The following LRRN4 variants were observed in gnomAD, a reference collection of about 807,000 sequenced individuals.
LRRN4 encodes leucine-rich repeat neuronal protein 4.
Under a neutral mutation model 22.3 loss-of-function variants are expected in LRRN4, and 26 were observed. The observed-to-expected ratio is 1.16, with a 90% confidence interval of 0.85 to 1.62. LRRN4 has a LOEUF of 1.62. Ranked by LOEUF, LRRN4 falls within the 40% of genes most tolerant of loss-of-function variation. The probability of loss-of-function intolerance (pLI) is 0.00; values close to 1 mark genes in which losing one functional copy is unlikely to be tolerated. For synonymous variants in LRRN4, 496 were observed against 486.2 expected (o/e 1.02, Z -0.26); for missense variants, 1,070 against 1,008.5 (o/e 1.06, Z -0.83).
chr20:6,042,100 G>A lies in LRRN4; in HGVS notation c.1145C>T (p.Thr382Ile), dbSNP rs749353171. 13 of 1,614,146 alleles carry A rather than the reference G, an allele frequency of 8.1e-6. 1 individual carries two copies. The South Asian group carries it at 1.4e-4, about 18-fold the overall frequency. The change falls in exon 5 of 5, where the codon ACC becomes ATC. Residue 382 changes from threonine (T) to isoleucine (I), a missense_variant. Coordinates refer to ENST00000378858, the MANE Select transcript of LRRN4 (RefSeq NM_152611.5). ...ASHPPCFNRS[T>I]YAQGTTVAPS... ...CGCGACGGTGGTACCCTGTGCGTAG[G>A]TGGAGCGGTTGAAGCAAGGTGGGTG...
intron 3 of LRRN4, among the ~76,000 whole-genome samples, chr20:6,045,148 A>G (rs1981073446): frequency 6.7e-6 from 1 of 148,770 alleles, no homozygotes; most frequent in South Asian, 2.1e-4. Flanking sequence ...ATCAAAAAGA[A>G]TGTGTGTTGG....
At chr20:6,042,737 G>A (rs1224856533) in intron 4 of LRRN4, among the ~76,000 whole-genome samples, 2 of 151,746 alleles carry the variant, frequency 1.3e-5, no homozygotes, top group East Asian at 1.9e-4. Context: ...TGGCTAAGAC[G>A]GTGAAACCCC....
Position 6,053,825 on chromosome 20 carries a change from C to T in LRRN4, c.-6+5G>A, listed in dbSNP as rs905090847. On this transcript the variant is annotated splice_donor_5th_base_variant and intron_variant, in intron 1 of 4. Coordinates refer to ENST00000378858, the MANE Select transcript of LRRN4 (RefSeq NM_152611.5). ...CGTGTGCACCCAGCAGTGTGTCATG[C>T]TTACCTGGAAGTGGTCCTTTTGGAG... is the stretch of plus-strand genomic sequence containing the variant. 6.6e-6 allele frequency: 1 copy of T among 152,302 alleles called. No individual in the cohort carries two copies. Among genetic ancestry groups the T allele is most frequent in the Non-Finnish European group, 1.5e-5 (1 of 68,128 alleles). 9.4% of individuals were successfully genotyped at this position (152,302 alleles called of 1,614,324 possible).
chr20:6,049,560 G>A (rs1437410463), intron 3 of LRRN4, among the ~76,000 whole-genome samples: 2 of 151,962 alleles, frequency 1.3e-5, no homozygotes, highest in East Asian at 3.9e-4. Flanking sequence ...GAGTACAATG[G>A]CGCAATCTCA....
chr20:6,041,133 A>T lies in LRRN4; in HGVS notation c.2112T>A (p.Cys704Ter). Residue 704 changes from cysteine (C) to a stop codon, truncating the protein, a stop_gained, in exon 5 of 5, where the codon TGT becomes TGA. Coordinates refer to ENST00000378858, the MANE Select transcript of LRRN4 (RefSeq NM_152611.5). LOFTEE classifies it low-confidence loss of function (END_TRUNC). The surrounding 1 kb of genome is among the most constrained non-coding windows in gnomAD (Gnocchi z 9.4). ...LLASTVVLSA[C>*]LCRRGQTLGL... ...CCAGCGTCTGGCCCCGCCTGCAGAG[A>T]CATGCGGACAGCACCACGGTGCTGG... is the stretch of plus-strand genomic sequence containing the variant. 1 of 1,610,584 alleles carries T rather than the reference A, an allele frequency of 6.2e-7. No homozygotes were observed. Among genetic ancestry groups the T allele is most frequent in the Non-Finnish European group, 8.5e-7 (1 of 1,178,534 alleles).
At position 6,041,496 on chromosome 20, in the gene LRRN4, G is replaced by A. The variant is rs1170252733; in HGVS notation, c.1749C>T (p.Pro583=). Residue 583 remains proline (P), a synonymous_variant, in exon 5 of 5, where the codon CCC becomes CCT. Transcript: ENST00000378858. The surrounding 1 kb of genome is among the most constrained non-coding windows in gnomAD (Gnocchi z 9.4). ...LSGEDTIPDP[P]RLQGVTETTD... ...TGGTCTCCGTCACCCCCTGCAGCCT[G>A]GGCGGGTCTGGGATGGTGTCTTCCC... The A allele has an allele frequency of 1.0e-5, 16 of 1,558,328 alleles. No individual in the cohort carries two copies. The highest frequency in any genetic ancestry group is 1.4e-5 in the Non-Finnish European group (16 of 1,151,658).
At position 6,041,228 on chromosome 20, in the gene LRRN4, C is replaced by T. The variant is rs1980925771; in HGVS notation, c.2017G>A (p.Ala673Thr). ...GCGAAGCTGGGCTTGGTGGTGAAGG[C>T]GGCGCACGGGCTCCTCCAGCCCGAA... is the stretch of plus-strand genomic sequence containing the variant. Reference protein sequence around the residue: ...RSSGWRSPCAAFTTKPSFALL... With the variant: ...RSSGWRSPCATFTTKPSFALL... Residue 673 changes from alanine (A) to threonine (T), a missense_variant, in exon 5 of 5, where the codon GCC becomes ACC. Physicochemically the swap from Ala to Thr is moderately conservative, Grantham distance 58. Coordinates refer to ENST00000378858, the MANE Select transcript of LRRN4 (RefSeq NM_152611.5). The surrounding 1 kb of genome is among the most constrained non-coding windows in gnomAD (Gnocchi z 9.4). 1 of 1,580,784 alleles carries T rather than the reference C, an allele frequency of 6.3e-7. No individual in the cohort carries two copies. Among genetic ancestry groups the T allele is most frequent in the Non-Finnish European group, 8.6e-7 (1 of 1,162,640 alleles).
At position 6,041,274 on chromosome 20, in the gene LRRN4, C is replaced by T. The variant is rs895064543; in HGVS notation, c.1971G>A (p.Ala657=). 5.0e-6 allele frequency: 8 copies of T among 1,590,494 alleles called. No individual in the cohort carries two copies. The highest frequency in any genetic ancestry group is 4.5e-5 in the South Asian group (4 of 89,194). The change falls in exon 5 of 5, where the codon GCG becomes GCA. Residue 657 remains alanine, a synonymous_variant. Coordinates refer to ENST00000378858, the MANE Select transcript of LRRN4 (RefSeq NM_152611.5). The surrounding 1 kb of genome is among the most constrained non-coding windows in gnomAD (Gnocchi z 9.4). The stretch of plus-strand genomic sequence containing the variant: ...CCGAAGACCGTGGCTGGCTCAAGCC[C>T]GCCCTGTTGGCCGCCAGCACGCACA... ...YRVCVLAANR[A]GLSQPRSSGW...
At chr20:6,049,895 C>CA (rs1981205133) in intron 3 of LRRN4, among the ~76,000 whole-genome samples, 1 of 152,168 alleles carries the variant, frequency 6.6e-6, no homozygotes, top group Non-Finnish European at 1.5e-5. Flanking sequence ...TCACTGACAT[C>CA]AATCAGCATC....
At chr20:6,051,486 TTC>T (rs1217031810) in intron 2 of LRRN4, among the ~76,000 whole-genome samples, 6 of 152,208 alleles carry the variant, frequency 3.9e-5, no homozygotes, top group African/African-American at 7.2e-5. Flanking sequence ...TAGCTGTTTT[TTC>T]TCTTTGTCTT....
chr20:6,048,393 A>C (rs1981161100), intron 3 of LRRN4, among the ~76,000 whole-genome samples: 1 of 151,602 alleles, frequency 6.6e-6, no homozygotes, highest in South Asian at 2.1e-4. Flanking sequence ...TCATCTTTAT[A>C]CTCCCAAATT....
At position 6,041,028 on chromosome 20, in the gene LRRN4, G is replaced by T; in HGVS notation, c.2217C>A (p.Val739=). ...CGTTATCCCAGAAGCTGGGCTAACT[G>T]ACGGTCTGGAGCCCCAGCGGGTAAT... ...FDDYPLGLQT[V]S is the part of the protein sequence containing the mutation. Residue 739 remains valine, a synonymous_variant, in exon 5 of 5, where the codon GTC becomes GTA. Coordinates refer to ENST00000378858, the MANE Select transcript of LRRN4 (RefSeq NM_152611.5). This position sits in a 1 kb window ranked among gnomAD's most constrained non-coding sequence, Gnocchi z 9.4. 6.2e-7 allele frequency: 1 copy of T among 1,613,906 alleles called. No homozygotes were observed.
chr20:6,041,089 G>C lies in LRRN4; in HGVS notation c.2156C>G (p.Thr719Arg). The C allele has an allele frequency of 4.3e-6, 7 of 1,613,658 alleles. No individual in the cohort carries two copies. The highest frequency in any genetic ancestry group is 1.3e-5 in the African/African-American group (1 of 75,060). ...GQTLGLQRCD[T>R]HLVAYKNPAF... is the part of the protein sequence containing the mutation. ...CGGGTTTTTGTAGGCCACCAGGTGCGTGTCGCAGCGCTGCAGGCCCAGCGT... is the reference window on the plus strand; with the variant it reads ...CGGGTTTTTGTAGGCCACCAGGTGCCTGTCGCAGCGCTGCAGGCCCAGCGT... Residue 719 changes from threonine (T) to arginine (R), a missense_variant, in exon 5 of 5, where the codon ACG becomes AGG. Physicochemically the swap from Thr to Arg is moderately conservative, Grantham distance 71 (BLOSUM62 -1). Coordinates refer to ENST00000378858, the MANE Select transcript of LRRN4 (RefSeq NM_152611.5). The surrounding 1 kb of genome is among the most constrained non-coding windows in gnomAD (Gnocchi z 9.4).
chr20:6,049,338 T>C (rs1981189415), intron 3 of LRRN4, among the ~76,000 whole-genome samples: 1 of 152,152 alleles, frequency 6.6e-6, no homozygotes, highest in African/African-American at 2.4e-5. Flanking sequence ...GTGGCAGATA[T>C]CTGCTACCTA....
rs771274489 is a variant in LRRN4 at position 6,052,572 on chromosome 20, T to C, written c.228A>G (p.Thr76=). Residue 76 remains threonine (T), a synonymous_variant, in exon 2 of 5, where the codon ACA becomes ACG. Coordinates refer to ENST00000378858, the MANE Select transcript of LRRN4 (RefSeq NM_152611.5). ...LERLPGCLPR[T]LRSLDASHNL... is the part of the protein sequence containing the mutation. The stretch of plus-strand genomic sequence containing the variant: ...TGTGGCTGGCGTCGAGGCTGCGCAG[T>C]GTGCGCGGTAGGCAGCCGGGCAGGC... 1.3e-6 allele frequency: 2 copies of C among 1,580,900 alleles called. No homozygotes were observed. Among genetic ancestry groups the C allele is most frequent in the East Asian group, 2.3e-5 (1 of 43,904 alleles).
intron 3 of LRRN4, among the ~76,000 whole-genome samples, chr20:6,045,476 A>C (rs1214641524): frequency 6.7e-6 from 1 of 148,270 alleles, no homozygotes; most frequent in East Asian, 2.0e-4. Context: ...CAACAACAAA[A>C]ACACACACAC....
At chr20:6,051,817 A>C (rs1894462508) in intron 2 of LRRN4, among the ~76,000 whole-genome samples, 1 of 152,196 alleles carries the variant, frequency 6.6e-6, no homozygotes, top group Non-Finnish European at 1.5e-5. Context: ...CAGAGTGGTT[A>C]AAGTTTTGGG....
In LRRN4 at chr20:6,042,253, G is replaced by A; in HGVS notation, c.999-7C>T. ...GCACATAGTGTCTGCTGCCCTGGAG[G>A]GGAGGCCAACCAGTTAGAAGACGTC... On this transcript the variant is annotated splice_region_variant and splice_polypyrimidine_tract_variant and intron_variant, in intron 4 of 4. Coordinates refer to ENST00000378858, the MANE Select transcript of LRRN4 (RefSeq NM_152611.5). The A allele has an allele frequency of 6.2e-7, 1 of 1,601,216 alleles. No homozygotes were observed. The highest frequency in any genetic ancestry group is 8.5e-7 in the Non-Finnish European group (1 of 1,173,700).
Position 6,040,914 on chromosome 20 carries a change from C to A in LRRN4, c.*108G>T. 1 of 1,474,566 alleles carries A rather than the reference C, an allele frequency of 6.8e-7. No homozygotes were observed. The allele number at this position is 1,474,566 out of a possible 1,614,324, so 91.3% of individuals were successfully genotyped here. A position where few individuals can be genotyped will look rare whatever the true frequency, so the allele number is the denominator to read the frequency against. The stretch of plus-strand genomic sequence containing the variant: ...ATGTGTGCTCAAGGCATTCTGGCTT[C>A]ACGGGAATTAGAAACCCTAGGAGCG... On this transcript the variant is annotated 3_prime_UTR_variant, in exon 5 of 5. Coordinates refer to ENST00000378858, the MANE Select transcript of LRRN4 (RefSeq NM_152611.5).
Sources: gnomAD v4.1 joint callset for allele counts (sites outside exome capture counted in the v4.1 genomes callset) on GRCh38, gnomAD v4.1.1 for gene constraint, Gnocchi (gnomAD v3.1) non-coding constraint, MANE v1.5 for transcripts, NCBI Gene and HGNC (gene_info 2026-07-23, HGNC 2026-07-21) for gene names.